Variants in SPATA13 observed in about 807,000 individuals in gnomAD.
The protein encoded by SPATA13 is spermatogenesis-associated protein 13.
Under a neutral mutation model 104.0 loss-of-function variants are expected in SPATA13, and 50 were observed. The ratio of observed to expected loss-of-function variants is 0.48; its 90% CI spans 0.38 to 0.61. SPATA13 has a LOEUF of 0.61. SPATA13 is among the 20% of genes least tolerant of loss of function. SPATA13 has a pLI of 0.00. For synonymous variants in SPATA13, 606 were observed against 667.5 expected (o/e 0.91, Z 1.42); for missense variants, 1,524 against 1,690.6 (o/e 0.90, Z 1.73).
intron 3 of SPATA13, among the ~76,000 whole-genome samples, chr13:24,109,034 A>T (rs1004436412): frequency 6.6e-6 from 1 of 152,164 alleles, no homozygotes; most frequent in African/African-American, 2.4e-5. Flanking sequence ...ACATATGTAT[A>T]CATGTGCCAC....
chr13:24,075,581 A>G (rs1199045081), intron 3 of SPATA13, among the ~76,000 whole-genome samples: 2 of 152,230 alleles, frequency 1.3e-5, no homozygotes, highest in Non-Finnish European at 2.9e-5. Flanking sequence ...GAGATTAGTC[A>G]TAATGCTGGC....
At chr13:24,121,792 T>C (rs775271008) in intron 3 of SPATA13, among the ~76,000 whole-genome samples, 1 of 152,206 alleles carries the variant, frequency 6.6e-6, no homozygotes, top group Non-Finnish European at 1.5e-5. Flanking sequence ...AGTGTCACTT[T>C]GAAGCTTCAC....
chr13:24,187,444 C>A (rs79251576), intron 1 of SPATA13, among the ~76,000 whole-genome samples: 5,033 of 152,224 alleles, frequency 0.033, 271 homozygotes, highest in African/African-American at 0.12. Flanking sequence ...TGGAAAACAG[C>A]GACCGGCTTA....
In SPATA13 at chr13:24,286,429, C is replaced by T. The variant is rs1875953162; in HGVS notation, c.2481+36C>T. 3 of 1,590,950 alleles carry T rather than the reference C, an allele frequency of 1.9e-6. No homozygotes were observed. The East Asian group carries it at 6.7e-5, about 36-fold the overall frequency. On this transcript the variant is annotated intron_variant, in intron 6 of 12. Transcript: ENST00000382108. This position sits in a 1 kb window ranked among gnomAD's most constrained non-coding sequence, Gnocchi z 4.9. ...GGTGCTTGCAGCTTTTCCAAAGTACCTGGGGGAGCTGCAGGATCCTTTCAG... is the reference window on the plus strand; with the variant it reads ...GGTGCTTGCAGCTTTTCCAAAGTACTTGGGGGAGCTGCAGGATCCTTTCAG...
intron 1 of SPATA13, among the ~76,000 whole-genome samples, chr13:24,180,585 T>C (rs2862241): frequency 0.23 from 35,446 of 152,154 alleles, 4,486 homozygotes; most frequent in East Asian, 0.41. Flanking sequence ...TTGGGATGCA[T>C]TGCCATTTTA....
intron 3 of SPATA13, among the ~76,000 whole-genome samples, chr13:24,071,626 G>C (rs1033026866): frequency 6.6e-6 from 1 of 152,176 alleles, no homozygotes; most frequent in Non-Finnish European, 1.5e-5. Context: ...TGTTCCTTTG[G>C]TGTCTGACCG....
chr13:24,251,994 C>T (rs774683759), intron 4 of SPATA13, 132 bp downstream of exon 4: 41 of 1,119,884 alleles, frequency 3.7e-5, no homozygotes, highest in African/African-American at 2.0e-4. Flanking sequence ...GGAGTGAGGA[C>T]GGCTCATCTC....
At position 24,223,309 on chromosome 13, in the gene SPATA13, G is replaced by T. The variant is rs1239693793; in HGVS notation, c.380G>T (p.Ser127Ile). The change falls in exon 2 of 13, where the codon AGC becomes ATC. Residue 127 changes from serine (S) to isoleucine (I), a missense_variant. Ser to Ile is a moderately radical substitution (Grantham distance 142, BLOSUM62 -2). Around this residue, in one of 2 missense-constraint regions of SPATA13, gnomAD observed 1,089 missense variants for 1,135.9 expected, o/e 0.96. Transcript: ENST00000382108. ...TCCTCAGTCCTGAAAGGAATTCAGAGCCGAGAGGGGTCAAATGCCTGTTCA... is the reference window on the plus strand; with the variant it reads ...TCCTCAGTCCTGAAAGGAATTCAGATCCGAGAGGGGTCAAATGCCTGTTCA... ...LKSSVLKGIQ[S>I]REGSNACSKG... 9 of 1,551,404 alleles carry T rather than the reference G, an allele frequency of 5.8e-6. No homozygotes were observed.
At chr13:24,191,854 A>G (rs1158486335) in intron 1 of SPATA13, among the ~76,000 whole-genome samples, 1 of 152,102 alleles carries the variant, frequency 6.6e-6, no homozygotes, top group Non-Finnish European at 1.5e-5. Flanking sequence ...ACCTCATCAG[A>G]GTAATGAAAA....
At position 24,088,859 on chromosome 13, in the gene SPATA13, G is replaced by A. The variant is rs1879821013; in HGVS notation, c.-112+71158G>A. On this transcript the variant is annotated intron_variant, in intron 3 of 14. Transcript: ENST00000424834. The surrounding 1 kb of genome is among the most constrained non-coding windows in gnomAD (Gnocchi z 4.3). ...CTGGCTGAGGAGTGTCCCCAAGGCTGGCTCCAGGAAAGCGCAAGCAAGGGC... is the reference window on the plus strand; with the variant it reads ...CTGGCTGAGGAGTGTCCCCAAGGCTAGCTCCAGGAAAGCGCAAGCAAGGGC... Among the ~76,000 whole-genome samples the A allele has an allele frequency of 6.6e-6, 1 of 152,180 alleles. No homozygotes were observed. The highest frequency in any genetic ancestry group is 6.5e-5 in the Admixed American group (1 of 15,286).
At chr13:24,162,871 G>C (rs972635459) in intron 1 of SPATA13, among the ~76,000 whole-genome samples, 1 of 152,192 alleles carries the variant, frequency 6.6e-6, no homozygotes, top group African/African-American at 2.4e-5. Context: ...TTGAACTCAG[G>C]CATGCCTGGA....
chr13:24,147,279 C>A (rs978089109), intron 3 of SPATA13, among the ~76,000 whole-genome samples: 7 of 152,184 alleles, frequency 4.6e-5, no homozygotes, highest in African/African-American at 1.7e-4. Flanking sequence ...GAATGATGAC[C>A]GTATTGAGTA....
At chr13:24,177,727 C>T (rs548588959) in intron 1 of SPATA13, among the ~76,000 whole-genome samples, 25 of 152,194 alleles carry the variant, frequency 1.6e-4, no homozygotes, top group African/African-American at 6.0e-4. Flanking sequence ...GTTGGGGTTA[C>T]AGGCATGAGC....
intron 1 of SPATA13, among the ~76,000 whole-genome samples, chr13:24,164,614 C>T (rs996252081): frequency 6.6e-6 from 1 of 152,198 alleles, no homozygotes; most frequent in African/African-American, 2.4e-5. Flanking sequence ...AGTCAAGTTT[C>T]ATTGCTCCCT....
intron 1 of SPATA13, among the ~76,000 whole-genome samples, chr13:24,180,334 T>C (rs1868719589): frequency 1.3e-5 from 2 of 152,214 alleles, no homozygotes; most frequent in African/African-American, 4.8e-5. Flanking sequence ...AACCTTTAGT[T>C]CTATTTTCAT....
At chr13:24,138,774 T>A (rs978724359) in intron 3 of SPATA13, among the ~76,000 whole-genome samples, 3 of 128,288 alleles carry the variant, frequency 2.3e-5, no homozygotes, top group South Asian at 5.1e-4. Flanking sequence ...TTTTTTTTTT[T>A]AGAGATGGGC....
chr13:24,226,200 G>C (rs1265289356), intron 2 of SPATA13, among the ~76,000 whole-genome samples: 1 of 152,188 alleles, frequency 6.6e-6, no homozygotes, highest in Non-Finnish European at 1.5e-5. Context: ...ACACGAAATT[G>C]GCATCTGTGC....
rs552008816 is a variant in SPATA13 at position 24,002,933 on chromosome 13, T to A, written c.-146-14734T>A. ...TCTGATGTCCTTAGAAGTGGCTCAA[T>A]GAAATATTTTTCTTTTTCTGAATGT... On this transcript the variant is annotated intron_variant, in intron 2 of 14. Coordinates refer to the SPATA13 transcript ENST00000424834. Among the ~76,000 whole-genome samples, 168 of 152,164 alleles carry A rather than the reference T, an allele frequency of 1.1e-3. 1 individual carries two copies. The highest frequency in any genetic ancestry group is 2.9e-3 in the South Asian group (14 of 4,826).
At chr13:24,269,586 A>G (rs1874463818) in intron 4 of SPATA13, among the ~76,000 whole-genome samples, 1 of 151,340 alleles carries the variant, frequency 6.6e-6, no homozygotes, top group African/African-American at 2.4e-5. Flanking sequence ...TTTTATTTTT[A>G]GAGACAGGAT....
Sources: gnomAD v4.1 joint callset for allele counts (sites outside exome capture counted in the v4.1 genomes callset) on GRCh38, gnomAD v4.1.1 for gene constraint, gnomAD v4.1.1 regional missense constraint, Gnocchi (gnomAD v3.1) non-coding constraint, MANE v1.5 for transcripts, NCBI Gene and HGNC (gene_info 2026-07-23, HGNC 2026-07-21) for gene names.